The following PALMD variants were observed in gnomAD, a reference collection of about 807,000 sequenced individuals.
The protein encoded by PALMD is palmdelphin.
In PALMD, 42 loss-of-function variants were observed where a neutral mutation model predicts 56.2. The observed-to-expected ratio is 0.75, with a 90% CI of 0.58 to 0.97. The LOEUF (loss-of-function observed/expected upper bound fraction) is 0.97, where lower values mean the gene tolerates loss of function less well. PALMD is among the 50% of genes least tolerant of loss of function. The pLI is 0.00. For synonymous variants in PALMD, 242 were observed against 222.9 expected, an observed-to-expected ratio of 1.09 and a Z score of -0.76; for missense variants, 660 against 643.8, an observed-to-expected ratio of 1.03 and a Z score of -0.27.
chr1:99,650,415 C>T (rs1652541558), intron 1 of PALMD, among the ~76,000 whole-genome samples: 1 of 149,764 alleles, frequency 6.7e-6, no homozygotes, highest in Non-Finnish European at 1.5e-5. Context: ...ATTTAAGAGA[C>T]ATGGAGTTCT....
At chr1:99,687,287 A>G in intron 6 of PALMD, 98 bp downstream of exon 6, 1 of 1,325,764 alleles carries the variant, frequency 7.5e-7, no homozygotes, top group African/African-American at 1.5e-5. Context: ...CTTCCAGGTT[A>G]AGCAATGGTT....
chr1:99,656,701 C>G (rs2100855954), intron 1 of PALMD, among the ~76,000 whole-genome samples: 1 of 152,228 alleles, frequency 6.6e-6, no homozygotes, highest in Non-Finnish European at 1.5e-5. Context: ...CACAACCATG[C>G]TTTTCTTTTG....
chr1:99,670,341 C>T (rs1653055038), intron 3 of PALMD, among the ~76,000 whole-genome samples: 1 of 152,154 alleles, frequency 6.6e-6, no homozygotes, highest in East Asian at 1.9e-4. Context: ...TTTAAAGGAA[C>T]TTGTATAATT....
chr1:99,668,893 A>C (rs1162632543), intron 3 of PALMD: 1 of 152,210 alleles, frequency 6.6e-6, no homozygotes, highest in Non-Finnish European at 1.5e-5. Context: ...CTAACCTACA[A>C]AGGGAAAATA....
At chr1:99,649,652 A>C (rs919647121) in intron 1 of PALMD, among the ~76,000 whole-genome samples, 7 of 152,182 alleles carry the variant, frequency 4.6e-5, no homozygotes, top group Non-Finnish European at 1.0e-4. Context: ...GTATACTCTT[A>C]ACATCTCCTC....
chr1:99,686,788 A>C lies in PALMD; in HGVS notation c.364A>C (p.Arg122=), dbSNP rs1653508586. The C allele has an allele frequency of 1.3e-6, 2 of 1,525,992 alleles. No individual in the cohort carries two copies. Among genetic ancestry groups the C allele is most frequent in the African/African-American group, 2.7e-5 (2 of 72,734 alleles). The allele number at this position is 1,525,992 out of a possible 1,614,324, so 94.5% of individuals were successfully genotyped here. ...SIERTTEDII[R]SVKVEREERA... ...TGAGCGGACAACAGAAGACATTATA[A>C]GAGTGAGCATTAACCAATTTTAAAA... is the stretch of plus-strand genomic sequence containing the variant. The change falls in exon 4 of 8, where the codon AGA becomes CGA. Residue 122 remains arginine, a splice_region_variant and synonymous_variant. Coordinates refer to ENST00000263174, the MANE Select transcript of PALMD (RefSeq NM_017734.5).
At chr1:99,666,492 A>AT (rs1426882930) in intron 2 of PALMD, among the ~76,000 whole-genome samples, 1 of 152,022 alleles carries the variant, frequency 6.6e-6, no homozygotes, top group African/African-American at 2.4e-5. Flanking sequence ...AGCATCCTTA[A>AT]AAAAACACAC....
intron 1 of PALMD, among the ~76,000 whole-genome samples, chr1:99,659,678 C>G (rs1352420738): frequency 6.6e-6 from 1 of 152,122 alleles, no homozygotes; most frequent in Non-Finnish European, 1.5e-5. Context: ...AAGTTATTGT[C>G]ATATTATTTT....
chr1:99,667,826 G>A (rs2100862373), intron 3 of PALMD, 60 bp downstream of exon 3: 2 of 1,424,278 alleles, frequency 1.4e-6, no homozygotes, highest in South Asian at 2.4e-5. Flanking sequence ...CCCATGTTGT[G>A]CATAGACATG....
Position 99,649,470 on chromosome 1 carries a change from GAGAAGAGTGAGATGA to G in PALMD, c.45+3114_45+3128del, listed in dbSNP as rs557903147. Among the ~76,000 whole-genome samples the G allele has an allele frequency of 7.4e-4, 112 of 152,176 alleles. 1 individual carries two copies. The highest frequency in any genetic ancestry group is 2.5e-3 in the African/African-American group (105 of 41,502). On this transcript the variant is annotated intron_variant, in intron 1 of 7. Transcript: ENST00000263174. ...GGATACCAATGACTCCAGCATTCTC[GAGAAGAGTGAGATGA>G]AGAAGCGTGAGATGAAGGACTGAAC...
intron 1 of PALMD, 52 bp downstream of exon 1, chr1:99,646,414 A>C (rs1377505506): frequency 6.9e-7 from 1 of 1,445,946 alleles, no homozygotes; most frequent in African/African-American, 1.4e-5. Context: ...AGAGGAAGGC[A>C]GACCGTGGCC....
chr1:99,692,155 G>T (rs1387018977), intron 7 of PALMD, among the ~76,000 whole-genome samples: 1 of 152,178 alleles, frequency 6.6e-6, no homozygotes, highest in Non-Finnish European at 1.5e-5. Flanking sequence ...CAATCAGGGG[G>T]TAGTAGTTGG....
chr1:99,692,256 G>A (rs1282542855), intron 7 of PALMD, among the ~76,000 whole-genome samples: 3 of 152,116 alleles, frequency 2.0e-5, no homozygotes, highest in African/African-American at 7.2e-5. Flanking sequence ...GGATGAAGTG[G>A]TGGGGATCTC....
intron 1 of PALMD, among the ~76,000 whole-genome samples, chr1:99,654,707 C>T (rs1301681596): frequency 6.6e-6 from 1 of 151,984 alleles, no homozygotes; most frequent in Non-Finnish European, 1.5e-5. Context: ...TCTTATATAA[C>T]ATTATCAATC....
chr1:99,683,088 GAGAAAGAAAGAAAGAAAGAA>G (rs1217087610), intron 3 of PALMD, among the ~76,000 whole-genome samples: 677 of 27,064 alleles, frequency 0.025, 7 homozygotes, highest in Admixed American at 0.032. Context: ...GAGAGAGAGA[GAGAAAGAAAGAAAGAAAGAA>G]AGAAAGAAAG....
Position 99,688,870 on chromosome 1 carries a change from G to T in PALMD, c.610G>T (p.Gly204Cys), listed in dbSNP as rs142371450. 5 of 1,613,418 alleles carry T rather than the reference G, an allele frequency of 3.1e-6. No individual in the cohort carries two copies. The highest frequency in any genetic ancestry group is 1.7e-4 in the Middle Eastern group (1 of 6,056). Residue 204 changes from glycine to cysteine, a missense_variant, in exon 7 of 8, where the codon GGT (glycine) becomes TGT (cysteine). Coordinates refer to ENST00000263174, the MANE Select transcript of PALMD (RefSeq NM_017734.5). The stretch of plus-strand genomic sequence containing the variant: ...ACCTCTGCCATCAGATGACTTTAAA[G>T]GTACAGGAATAAAAGTTTATGATGA... ...SIPLPSDDFK[G>C]TGIKVYDDGQ...
intron 3 of PALMD, 186 bp downstream of exon 3, chr1:99,667,952 C>A: frequency 1.9e-6 from 1 of 535,588 alleles, no homozygotes; most frequent in South Asian, 2.6e-5. Flanking sequence ...GATCTCGGCT[C>A]ACGGCAACTT....
intron 3 of PALMD, among the ~76,000 whole-genome samples, chr1:99,671,504 C>T (rs975424811): frequency 6.6e-6 from 1 of 152,156 alleles, no homozygotes; most frequent in Non-Finnish European, 1.5e-5. Context: ...CTAGTCCTTA[C>T]TAAAAGGTGA....
intron 1 of PALMD, among the ~76,000 whole-genome samples, chr1:99,652,694 GGAAAAGAAAAGAAAA>G (rs1226790564): frequency 3.1e-4 from 27 of 86,396 alleles, no homozygotes; most frequent in African/African-American, 5.8e-4. Context: ...GGAAAGGAAA[GGAAAAGAAAAGAAAA>G]GAAAAGAAAA....
Sources: allele counts gnomAD v4.1 joint callset (sites outside exome capture counted in the v4.1 genomes callset), GRCh38; gene constraint gnomAD v4.1.1; transcripts MANE v1.5; gene names NCBI Gene and HGNC (gene_info 2026-07-23, HGNC 2026-07-21).